PSD: variants seen among roughly 807,000 people sequenced by gnomAD.
PSD encodes pleckstrin and Sec7 domain containing.
Under a neutral mutation model 91.6 loss-of-function variants are expected in PSD, and 32 were observed. The ratio of observed to expected loss-of-function variants is 0.35; its 90% CI spans 0.26 to 0.47. The LOEUF is 0.47. Among genes scored for constraint, PSD ranks in the 20% least tolerant of loss-of-function variants. The pLI is 1.00. For synonymous variants in PSD, 532 were observed against 569.3 expected (o/e 0.93, Z 0.93); for missense variants, 1,099 against 1,373.9 (o/e 0.80, Z 3.16).
intron 8 of PSD, 111 bp from the exon 9 acceptor site, chr10:102,411,227 C>G: frequency 2.1e-6 from 2 of 957,832 alleles, no homozygotes; most frequent in Non-Finnish European, 3.1e-6. Context: ...AACTTCCTAC[C>G]TCCTGAACCC....
chr10:102,408,610 G>A (rs1056679298), intron 10 of PSD, among the ~76,000 whole-genome samples: 7 of 152,146 alleles, frequency 4.6e-5, no homozygotes, highest in African/African-American at 1.4e-4. Context: ...CCCTGTCTCA[G>A]GACCCCCTTC....
chr10:102,405,601 C>A lies in PSD; in HGVS notation c.2136-65G>T. 1 of 1,477,844 alleles carries A rather than the reference C, an allele frequency of 6.8e-7. No homozygotes were observed. Among genetic ancestry groups the A allele is most frequent in the East Asian group, 2.4e-5 (1 of 41,856 alleles). The allele number at this position is 1,477,844 out of a possible 1,614,324, so 91.5% of individuals were successfully genotyped here. A position where few individuals can be genotyped will look rare whatever the true frequency, so the allele number is the denominator to read the frequency against. ...CCGCGGCCCCCGCTTCAGTTCTGGC[C>A]TCTGCTCGCCCTGGAAAAGCTCCCC... is the stretch of plus-strand genomic sequence containing the variant. On this transcript the variant is annotated intron_variant, in intron 11 of 16. Coordinates refer to ENST00000020673, the MANE Select transcript of PSD (RefSeq NM_002779.5). The surrounding 1 kb of genome is among the most constrained non-coding windows in gnomAD (Gnocchi z 5.4).
In PSD at chr10:102,405,459, C is replaced by T. The variant is rs1206711827; in HGVS notation, c.2213G>A (p.Gly738Asp). 11 of 1,613,976 alleles carry T rather than the reference C, an allele frequency of 6.8e-6. No homozygotes were observed. The highest frequency in any genetic ancestry group is 8.5e-6 in the Non-Finnish European group (10 of 1,180,012). ...GAAAGGGCTGGAGCCACTGCCACTG[C>T]CCCCGCTGATCCGCTTGATGACCTT... ...NPKVIKRISG[G>D]SGSGSSPFLD... Residue 738 changes from glycine (G) to aspartate (D), a missense_variant, in exon 12 of 17, where the codon GGC becomes GAC. Around this residue, in one of 3 missense-constraint regions of PSD, gnomAD observed 358 missense variants for 426.5 expected, o/e 0.84. Coordinates refer to ENST00000020673, the MANE Select transcript of PSD (RefSeq NM_002779.5). This position sits in a 1 kb window ranked among gnomAD's most constrained non-coding sequence, Gnocchi z 5.4.
Position 102,408,864 on chromosome 10 carries a change from C to G in PSD, c.2092-1598G>C, listed in dbSNP as rs896701765. ...GCCGCCCCCTCGGTCGCCCCGCAACCTGGCGTGGGCCGCGGCCCCAACGCC... is the reference window on the plus strand; with the variant it reads ...GCCGCCCCCTCGGTCGCCCCGCAACGTGGCGTGGGCCGCGGCCCCAACGCC... On this transcript the variant is annotated intron_variant, in intron 10 of 16. Coordinates refer to ENST00000020673, the MANE Select transcript of PSD (RefSeq NM_002779.5). 11 of 986,336 alleles carry G rather than the reference C, an allele frequency of 1.1e-5. No individual in the cohort carries two copies. In the South Asian group the frequency reaches 4.7e-4, roughly 42 times the overall value. The allele number at this position is 986,336 out of a possible 1,614,324, so 61.1% of individuals were successfully genotyped here.
chr10:102,418,876 AG>A (rs1054867658), upstream of PSD: 16 of 278,194 alleles, frequency 5.8e-5, no homozygotes, highest in Admixed American at 3.8e-4. Flanking sequence ...GCCCTCTCCC[AG>A]GGCCCAGAGC....
At position 102,404,222 on chromosome 10, in the gene PSD, C is replaced by T. The variant is rs1164926470; in HGVS notation, c.2701-237G>A. ...AATTAGCCAGGCGTGGTGGCAGGTG[C>T]CTGTAGTCCCAGCTACTCAGGAGGC... On this transcript the variant is annotated intron_variant, in intron 15 of 16. Coordinates refer to ENST00000020673, the MANE Select transcript of PSD (RefSeq NM_002779.5). This position sits in a 1 kb window ranked among gnomAD's most constrained non-coding sequence, Gnocchi z 5.7. Among the ~76,000 whole-genome samples, 1 of 152,090 alleles carries T rather than the reference C, an allele frequency of 6.6e-6. No homozygotes were observed. Among genetic ancestry groups the T allele is most frequent in the Non-Finnish European group, 1.5e-5 (1 of 68,008 alleles).
In PSD at chr10:102,404,018, C is replaced by G; in HGVS notation, c.2701-33G>C. 1 of 1,533,770 alleles carries G rather than the reference C, an allele frequency of 6.5e-7. No homozygotes were observed. The highest frequency in any genetic ancestry group is 8.7e-7 in the Non-Finnish European group (1 of 1,142,960). On this transcript the variant is annotated intron_variant, in intron 15 of 16. Transcript: ENST00000020673. The surrounding 1 kb of genome is among the most constrained non-coding windows in gnomAD (Gnocchi z 5.7). ...CCAGGGGGAGGCATGGTCATGGTCA[C>G]TCTGCCCTATACAGTGCCTCTGCAG... is the stretch of plus-strand genomic sequence containing the variant.
At chr10:102,406,752 G>T (rs981873176) in intron 11 of PSD, among the ~76,000 whole-genome samples, 13 of 152,292 alleles carry the variant, frequency 8.5e-5, no homozygotes, top group African/African-American at 3.1e-4. Flanking sequence ...TGATCTGCCC[G>T]CCTTGGCCTC....
chr10:102,416,128 A>G lies in PSD; in HGVS notation c.655-9T>C, dbSNP rs767827724. The G allele has an allele frequency of 1.9e-6, 3 of 1,598,452 alleles. No individual in the cohort carries two copies. Among genetic ancestry groups the G allele is most frequent in the Non-Finnish European group, 2.6e-6 (3 of 1,167,228 alleles). On this transcript the variant is annotated splice_polypyrimidine_tract_variant and intron_variant, in intron 2 of 16. Transcript: ENST00000020673. This position sits in a 1 kb window ranked among gnomAD's most constrained non-coding sequence, Gnocchi z 6.0. ...GAGGACCAGGTATCCCCCTGAGCCAACGAGGGAGACACAGGCACCCAGAGA... is the reference window on the plus strand; with the variant it reads ...GAGGACCAGGTATCCCCCTGAGCCAGCGAGGGAGACACAGGCACCCAGAGA...
chr10:102,405,380 C>A lies in PSD; in HGVS notation c.2292G>T (p.Val764=). 1 of 1,613,510 alleles carries A rather than the reference C, an allele frequency of 6.2e-7. No individual in the cohort carries two copies. Among genetic ancestry groups the A allele is most frequent in the Non-Finnish European group, 8.5e-7 (1 of 1,179,972 alleles). ...AGTCAGGGTCTGCGTGCACCTTTCGCACCAGGGCCCCGTGCTTGTAGACGG... is the reference window on the plus strand; with the variant it reads ...AGTCAGGGTCTGCGTGCACCTTTCGAACCAGGGCCCCGTGCTTGTAGACGG... ...GAAVYKHGAL[V]RKVHADPDCR... The change falls in exon 12 of 17, where the codon GTG becomes GTT. Residue 764 remains valine (V), a synonymous_variant. Transcript: ENST00000020673. The surrounding 1 kb of genome is among the most constrained non-coding windows in gnomAD (Gnocchi z 5.4).
chr10:102,407,662 T>A (rs2061377590), intron 10 of PSD, among the ~76,000 whole-genome samples: 1 of 151,806 alleles, frequency 6.6e-6, no homozygotes, highest in Non-Finnish European at 1.5e-5. Flanking sequence ...AAATTCCCCT[T>A]CCCCCAACCA....
rs1315331983 is a variant in PSD, at chr10:102,405,207, C to T, written c.2373G>A (p.Lys791=). The change falls in exon 13 of 17, where the codon AAG becomes AAA. Residue 791 remains lysine (K), a synonymous_variant. Coordinates refer to ENST00000020673, the MANE Select transcript of PSD (RefSeq NM_002779.5). This position sits in a 1 kb window ranked among gnomAD's most constrained non-coding sequence, Gnocchi z 5.4. ...RGWKSFHGIL[K]GMILYLQKEE... is the part of the protein sequence containing the mutation. The stretch of plus-strand genomic sequence containing the variant: ...CCTTCTGCAGGTAGAGGATCATGCC[C>T]TTGAGGATCCCGTGGAAGCTCTTCC... 53 of 1,611,036 alleles carry T rather than the reference C, an allele frequency of 3.3e-5. No homozygotes were observed. The highest frequency in any genetic ancestry group is 4.2e-5 in the Non-Finnish European group (50 of 1,179,842).
In PSD at chr10:102,416,056, A is replaced by T. The variant is rs757914230; in HGVS notation, c.718T>A (p.Trp240Arg). The change falls in exon 3 of 17, where the codon TGG (tryptophan) becomes AGG (arginine). Residue 240 changes from tryptophan to arginine, a missense_variant. This residue lies in a region of PSD where 631 missense variants were observed against 728.8 expected (regional missense o/e 0.87). Transcript: ENST00000020673. This position sits in a 1 kb window ranked among gnomAD's most constrained non-coding sequence, Gnocchi z 6.0. Reference protein sequence around the residue: ...SHAQRIARAKWEFFYGSLDPP... With the variant: ...SHAQRIARAKREFFYGSLDPP... ...TCCAAGGAGCCATAGAAGAATTCCC[A>T]TTTGGCTCTAGCGATTCTCTGGGCA... 1 of 1,613,810 alleles carries T rather than the reference A, an allele frequency of 6.2e-7. No individual in the cohort carries two copies. The highest frequency in any genetic ancestry group is 8.5e-7 in the Non-Finnish European group (1 of 1,179,886).
Position 102,409,407 on chromosome 10 carries a change from T to C in PSD, c.2091+1451A>G, listed in dbSNP as rs989162368. 12 of 963,144 alleles carry C rather than the reference T, an allele frequency of 1.2e-5. No individual in the cohort carries two copies. The highest frequency in any genetic ancestry group is 1.4e-5 in the Non-Finnish European group (11 of 809,716). The allele number at this position is 963,144 out of a possible 1,614,324, so 59.7% of individuals were successfully genotyped here. ...CCCCGCGCGGCCACGGGGAGGAGCC[T>C]GGGGAGGCCAGCGTGGGTGGCAGCT... On this transcript the variant is annotated intron_variant, in intron 10 of 16. Coordinates refer to ENST00000020673, the MANE Select transcript of PSD (RefSeq NM_002779.5). The surrounding 1 kb of genome is among the most constrained non-coding windows in gnomAD (Gnocchi z 5.7).
chr10:102,416,253 G>T lies in PSD; in HGVS notation c.654+132C>A. On this transcript the variant is annotated intron_variant, in intron 2 of 16. Transcript: ENST00000020673. This position sits in a 1 kb window ranked among gnomAD's most constrained non-coding sequence, Gnocchi z 6.0. ...GTTCAGAGACACAGAGACAAACACA[G>T]AGGGCAAGAGAGAGGCAGATTTAGA... 8.0e-7 allele frequency: 1 copy of T among 1,247,494 alleles called. No homozygotes were observed. The highest frequency in any genetic ancestry group is 1.1e-6 in the Non-Finnish European group (1 of 889,906). 77.3% of individuals were successfully genotyped at this position (1,247,494 alleles called of 1,614,324 possible).
chr10:102,414,203 G>T lies in PSD; in HGVS notation c.1125-6C>A. 1 of 1,593,492 alleles carries T rather than the reference G, an allele frequency of 6.3e-7. No homozygotes were observed. The highest frequency in any genetic ancestry group is 1.1e-5 in the South Asian group (1 of 89,394). Reference sequence around the variant, plus strand: ...GAGGCATCCGGCTCCCTGGCCTGCAGGGGCAGGGAGAATCTCTGATTAGGG... The same window carrying T: ...GAGGCATCCGGCTCCCTGGCCTGCATGGGCAGGGAGAATCTCTGATTAGGG... On this transcript the variant is annotated splice_region_variant and splice_polypyrimidine_tract_variant and intron_variant, in intron 4 of 16. Transcript: ENST00000020673. This position sits in a 1 kb window ranked among gnomAD's most constrained non-coding sequence, Gnocchi z 5.6.
chr10:102,413,713 A>T lies in PSD; in HGVS notation c.1553+56T>A, dbSNP rs771679104. 3.0e-4 allele frequency: 457 copies of T among 1,514,548 alleles called. 3 individuals carry two copies. Among genetic ancestry groups the T allele is most frequent in the Non-Finnish European group, 7.3e-5 (82 of 1,115,828 alleles). 93.8% of individuals were successfully genotyped at this position (1,514,548 alleles called of 1,614,324 possible). ...ACACTCAGGATCTGTCCCTTACAGC[A>T]GCTGTTTCTGGAGCCCTGGGGGCCT... On this transcript the variant is annotated intron_variant, in intron 5 of 16. Coordinates refer to ENST00000020673, the MANE Select transcript of PSD (RefSeq NM_002779.5).
At position 102,417,094 on chromosome 10, in the gene PSD, A is replaced by G; in HGVS notation, c.-56T>C. On this transcript the variant is annotated 5_prime_UTR_variant, in exon 2 of 17. Coordinates refer to ENST00000020673, the MANE Select transcript of PSD (RefSeq NM_002779.5). ...GGGATGGCGAGGCCAGGCGGGGAGT[A>G]AGGGGGCTGCATGCTCTTCAGACAG... 9.9e-7 allele frequency: 1 copy of G among 1,005,084 alleles called. No individual in the cohort carries two copies. Among genetic ancestry groups the G allele is most frequent in the East Asian group, 2.6e-5 (1 of 38,410 alleles). The allele number at this position is 1,005,084 out of a possible 1,614,324, so 62.3% of individuals were successfully genotyped here. A position where few individuals can be genotyped will look rare whatever the true frequency, so the allele number is the denominator to read the frequency against.
chr10:102,412,629 A>G, intron 5 of PSD, 54 bp from the exon 6 acceptor site: 1 of 1,497,244 alleles, frequency 6.7e-7, no homozygotes, highest in Non-Finnish European at 9.1e-7. Context: ...GGAGCCATCC[A>G]GACCCTCCTT....
Sources: allele counts gnomAD v4.1 joint callset (sites outside exome capture counted in the v4.1 genomes callset), GRCh38; gene constraint gnomAD v4.1.1; regional missense constraint gnomAD v4.1.1; non-coding constraint Gnocchi (gnomAD v3.1); transcripts MANE v1.5; gene names NCBI Gene and HGNC (gene_info 2026-07-23, HGNC 2026-07-21).